Variants in PTPRH observed in about 807,000 individuals in gnomAD.
PTPRH encodes receptor-type tyrosine-protein phosphatase H.
In PTPRH, 113 loss-of-function variants were observed where a neutral mutation model predicts 130.2. The observed-to-expected ratio is 0.87, with a 90% CI of 0.75 to 1.01. The LOEUF is 1.01. PTPRH is among the 50% of genes least tolerant of loss of function. The pLI is 0.00. For missense variants in PTPRH, 1,430 were observed against 1,425.0 expected (o/e 1.00, Z -0.06); for synonymous variants, 556 against 577.9 (o/e 0.96, Z 0.54).
intron 3 of PTPRH, among the ~76,000 whole-genome samples, chr19:55,205,907 C>T (rs1193379085): frequency 2.6e-5 from 4 of 152,220 alleles, no homozygotes; most frequent in Admixed American, 1.3e-4. Flanking sequence ...ATTGAATGAT[C>T]GTTTTTATAT....
At position 55,186,873 on chromosome 19, in the gene PTPRH, G is replaced by A. The variant is rs190475864; in HGVS notation, c.2567-333C>T. Among the ~76,000 whole-genome samples, 12 of 151,670 alleles carry A rather than the reference G, an allele frequency of 7.9e-5. No homozygotes were observed. In the East Asian group the frequency reaches 1.6e-3, roughly 20 times the overall value. ...CAGCCTGGCCAACATGGTGAAACCC[G>A]GTCGCCATTAAAAATACAAAAATTA... On this transcript the variant is annotated intron_variant, in intron 14 of 19. Transcript: ENST00000376350.
chr19:55,190,195 A>C (rs1030817684), intron 12 of PTPRH, among the ~76,000 whole-genome samples: 48 of 151,310 alleles, frequency 3.2e-4, no homozygotes, highest in African/African-American at 1.0e-3. Context: ...ATAGTGAAAC[A>C]CTGTCTCTAC....
At chr19:55,182,290 C>T in intron 18 of PTPRH, 139 bp from the exon 19 acceptor site, 1 of 1,061,694 alleles carries the variant, frequency 9.4e-7, no homozygotes, top group South Asian at 1.7e-5. Flanking sequence ...CTTTGGGAGG[C>T]TGAGGCCGGT....
rs1365594099 is a variant in PTPRH at position 55,196,607 on chromosome 19, A to AC, written c.2171_2172insG (p.Arg725SerfsTer57). On this transcript the variant is annotated frameshift_variant, in exon 10 of 20. Coordinates refer to ENST00000376350, the MANE Select transcript of PTPRH (RefSeq NM_002842.5). LOFTEE classifies it high-confidence loss of function. ...TCGTGATGGTGGCTGGGTAGGACCG[A>AC]GCCGGCCCGAGACCCAACACAGACA... 5.0e-6 allele frequency: 8 copies of AC among 1,613,688 alleles called. No homozygotes were observed. The highest frequency in any genetic ancestry group is 6.8e-6 in the Non-Finnish European group (8 of 1,179,906).
chr19:55,182,742 A>G (rs1217164545), intron 18 of PTPRH, among the ~76,000 whole-genome samples: 1 of 152,168 alleles, frequency 6.6e-6, no homozygotes, highest in East Asian at 1.9e-4. Context: ...GTTCAAATAC[A>G]GGAAGAGGAA....
chr19:55,191,158 T>G (rs188789486), intron 12 of PTPRH, among the ~76,000 whole-genome samples: 2 of 152,344 alleles, frequency 1.3e-5, no homozygotes, highest in African/African-American at 4.8e-5. Flanking sequence ...TTTATTGATA[T>G]CTCCTGTACT....
At chr19:55,197,984 G>A (rs1035965571) in intron 8 of PTPRH, among the ~76,000 whole-genome samples, 6 of 152,142 alleles carry the variant, frequency 3.9e-5, no homozygotes, top group Admixed American at 6.6e-5. Context: ...AGGCCGAGGC[G>A]GGAGGATCAC....
rs552386989 is a variant in PTPRH at position 55,203,888 on chromosome 19, G to T, written c.780C>A (p.Thr260=). The T allele has an allele frequency of 3.7e-6, 6 of 1,614,168 alleles. No individual in the cohort carries two copies. In the South Asian group the frequency reaches 6.6e-5, roughly 18 times the overall value. The change falls in exon 5 of 20, where the codon ACC becomes ACA. Residue 260 remains threonine, a synonymous_variant. Coordinates refer to ENST00000376350, the MANE Select transcript of PTPRH (RefSeq NM_002842.5). ...GTCCAAGGCCATCCACGGTGACTCT[G>T]GTGTCTGTTGTGTTTCGAGTCTCTG... is the stretch of plus-strand genomic sequence containing the variant. The part of the protein sequence containing the change: ...GRTETRNTTD[T]RVTVDGLGPG...
At chr19:55,184,251 T>C (rs2147367726) in intron 18 of PTPRH, among the ~76,000 whole-genome samples, 1 of 151,958 alleles carries the variant, frequency 6.6e-6, no homozygotes, top group South Asian at 2.1e-4. Flanking sequence ...GCCACTGCAC[T>C]CCAGCCTGGG....
At chr19:55,200,605 T>G in intron 6 of PTPRH, 103 bp from the exon 7 acceptor site, 1 of 1,297,162 alleles carries the variant, frequency 7.7e-7, no homozygotes, top group Non-Finnish European at 1.1e-6. Flanking sequence ...CTTGTTCAAC[T>G]GCTGGTGCCA....
Position 55,188,158 on chromosome 19 carries a change from C to T in PTPRH, c.2395G>A (p.Asp799Asn). Reference sequence around the variant, plus strand: ...TCAGCGAAGTCTTCAGCTGGGATGTCCCCTGGGGAGCTACGGGTTTTGGGG... The same window carrying T: ...TCAGCGAAGTCTTCAGCTGGGATGTTCCCTGGGGAGCTACGGGTTTTGGGG... ...LRDLVFSSPG[D>N]IPAEDFADHV... is the part of the protein sequence containing the mutation. The change falls in exon 13 of 20, where the codon GAC becomes AAC. Residue 799 changes from aspartate to asparagine, a missense_variant. Asp to Asn is a conservative substitution (Grantham distance 23, BLOSUM62 1). Transcript: ENST00000376350. 1 of 1,613,804 alleles carries T rather than the reference C, an allele frequency of 6.2e-7. No individual in the cohort carries two copies.
intron 14 of PTPRH, 116 bp downstream of exon 14, chr19:55,187,396 AG>A: frequency 1.9e-6 from 1 of 516,884 alleles, no homozygotes; most frequent in Non-Finnish European, 3.3e-6. Context: ...GAAAAAAAAA[AG>A]GAGACCCACG....
chr19:55,186,533 C>T lies in PTPRH; in HGVS notation c.2574G>A (p.Trp858Ter), dbSNP rs893403410. The T allele has an allele frequency of 8.5e-6, 12 of 1,405,980 alleles. No individual in the cohort carries two copies. The highest frequency in any genetic ancestry group is 3.2e-5 in the African/African-American group (1 of 30,870). The allele number at this position is 1,405,980 out of a possible 1,614,324, so 87.1% of individuals were successfully genotyped here. The change falls in exon 15 of 20, where the codon TGG (tryptophan) becomes TGA (stop). Residue 858 changes from tryptophan (W) to a stop codon, truncating the protein, a stop_gained. Coordinates refer to ENST00000376350, the MANE Select transcript of PTPRH (RefSeq NM_002842.5). LOFTEE classifies it high-confidence loss of function. ...GGATGGGCTTCAGGGGCACCCGGGA[C>T]CAGTCATCTAGGAGAAGAGGCCAGC... ...NRYRNVLPYD[W>*]SRVPLKPIHE...
rs1355449330 is a variant in PTPRH, at chr19:55,197,136, C to A, written c.1971G>T (p.Gln657His). 2 of 1,614,070 alleles carry A rather than the reference C, an allele frequency of 1.2e-6. No homozygotes were observed. The highest frequency in any genetic ancestry group is 2.7e-5 in the African/African-American group (2 of 74,944). ...AERNDVASST[Q>H]SLCASTYPDT... ...TCTCACATGTGGACGCACAGAGGCT[C>A]TGCGTGGAACTGGCTACGTCATTCC... Residue 657 changes from glutamine to histidine, a missense_variant, in exon 9 of 20, where the codon CAG (glutamine) becomes CAT (histidine). Coordinates refer to ENST00000376350, the MANE Select transcript of PTPRH (RefSeq NM_002842.5).
chr19:55,205,609 G>C lies in PTPRH; in HGVS notation c.353-17C>G. On this transcript the variant is annotated splice_polypyrimidine_tract_variant and intron_variant, in intron 3 of 19. Transcript: ENST00000376350. ...GGTTGGGAGCTGAAAACCAGCACAG[G>C]AGGGAAAATCAGTTGTAGTTTCTGG... 6.2e-7 allele frequency: 1 copy of C among 1,613,170 alleles called. No individual in the cohort carries two copies. The highest frequency in any genetic ancestry group is 8.5e-7 in the Non-Finnish European group (1 of 1,179,422).
intron 7 of PTPRH, among the ~76,000 whole-genome samples, chr19:55,199,785 G>T (rs185988154): frequency 1.1e-4 from 16 of 145,052 alleles, no homozygotes; most frequent in Non-Finnish European, 2.1e-4. Flanking sequence ...AAGAGAGAGA[G>T]ACAGAAAAAA....
In PTPRH at chr19:55,202,132, C is replaced by A. The variant is rs1396989476; in HGVS notation, c.1077G>T (p.Gly359=). The change falls in exon 6 of 20, where the codon GGG becomes GGT. Residue 359 remains glycine (G), a synonymous_variant. Coordinates refer to ENST00000376350, the MANE Select transcript of PTPRH (RefSeq NM_002842.5). ...TNITVDRLEP[G]CLYVFSVWVG... The stretch of plus-strand genomic sequence containing the variant: ...CCCACACGGAAAACACATACAAACA[C>A]CCGGGTTCAAGTCTATCCACGGTGA... 5 of 1,614,226 alleles carry A rather than the reference C, an allele frequency of 3.1e-6. No homozygotes were observed. Among genetic ancestry groups the A allele is most frequent in the Non-Finnish European group, 4.2e-6 (5 of 1,180,044 alleles).
intron 6 of PTPRH, among the ~76,000 whole-genome samples, chr19:55,201,781 C>T (rs1446418918): frequency 6.6e-6 from 1 of 152,224 alleles, no homozygotes; most frequent in Non-Finnish European, 1.5e-5. Context: ...GCCTTGGCCC[C>T]TACACATTCC....
rs576421883 is a variant in PTPRH, at chr19:55,191,600, C to T, written c.2337-52G>A. On this transcript the variant is annotated intron_variant, in intron 11 of 19. Transcript: ENST00000376350. The stretch of plus-strand genomic sequence containing the variant: ...GCTCAGGGGGTGAGGCTGCAACCAG[C>T]GGTCCTCCTCCTTCTTCTCCAGCCC... 1.3e-5 allele frequency: 21 copies of T among 1,611,682 alleles called. 1 individual carries two copies. Among genetic ancestry groups the T allele is most frequent in the African/African-American group, 4.0e-5 (3 of 74,836 alleles).
Sources: allele counts gnomAD v4.1 joint callset (sites outside exome capture counted in the v4.1 genomes callset), GRCh38; gene constraint gnomAD v4.1.1; transcripts MANE v1.5; gene names NCBI Gene and HGNC (gene_info 2026-07-23, HGNC 2026-07-21).